Variants in GNB4 observed in about 807,000 individuals in gnomAD.
GNB4 encodes guanine nucleotide-binding protein subunit beta-4.
Under a neutral mutation model 45.2 loss-of-function variants are expected in GNB4, and 28 were observed. The ratio of observed to expected loss-of-function variants is 0.62; its 90% CI spans 0.46 to 0.85. The LOEUF (loss-of-function observed/expected upper bound fraction) is 0.85, where lower values mean the gene tolerates loss of function less well. GNB4 is among the 40% of genes least tolerant of loss of function. GNB4 has a pLI of 0.00. For synonymous variants in GNB4, 132 were observed against 143.7 expected (o/e 0.92, Z 0.58); for missense variants, 321 against 425.4 (o/e 0.75, Z 2.16).
Position 179,398,185 on chromosome 3 carries a change from C to G in GNB4, c.*3028G>C, listed in dbSNP as rs1418724492. On this transcript the variant is annotated 3_prime_UTR_variant, in exon 10 of 10. Coordinates refer to ENST00000232564, the MANE Select transcript of GNB4 (RefSeq NM_021629.4). ...TACAGAGTCAACAAATTAACCTTCT[C>G]AGGCACATTATGTTTAAATGTTTCT... is the stretch of plus-strand genomic sequence containing the variant. 6.6e-6 allele frequency: 1 copy of G among 152,112 alleles called. No individual in the cohort carries two copies. Among genetic ancestry groups the G allele is most frequent in the East Asian group, 1.9e-4 (1 of 5,184 alleles). The allele number at this position is 152,112 out of a possible 1,614,324, so 9.4% of individuals were successfully genotyped here. A position where few individuals can be genotyped will look rare whatever the true frequency, so the allele number is the denominator to read the frequency against.
intron 1 of GNB4, among the ~76,000 whole-genome samples, chr3:179,435,227 A>C (rs1485993839): frequency 6.6e-5 from 10 of 152,132 alleles, no homozygotes; most frequent in African/African-American, 2.4e-4. Context: ...GCTCAATCTA[A>C]TGATCCTCCC....
intron 1 of GNB4, among the ~76,000 whole-genome samples, chr3:179,435,470 C>CAA (rs11389978): frequency 0.45 from 43,035 of 95,718 alleles, 8,218 homozygotes; most frequent in Non-Finnish European, 0.5. Context: ...CTTTCTTTTA[C>CAA]AAAAAAAAAA....
At chr3:179,407,312 A>T (rs1051374950) in intron 8 of GNB4, among the ~76,000 whole-genome samples, 21 of 152,120 alleles carry the variant, frequency 1.4e-4, no homozygotes, top group African/African-American at 4.8e-4. Flanking sequence ...TACAAAAATT[A>T]GCACAGCGTG....
intron 1 of GNB4, among the ~76,000 whole-genome samples, chr3:179,449,169 T>C (rs936936277): frequency 1.3e-5 from 2 of 152,214 alleles, no homozygotes; most frequent in African/African-American, 4.8e-5. Context: ...GTTTGTAACC[T>C]TCCAAATTAG....
At chr3:179,526,312 G>C in the GNB4 span, among the ~76,000 whole-genome samples, 1 of 152,254 alleles carries the variant, frequency 6.6e-6, no homozygotes, top group Admixed American at 6.5e-5. Context: ...AGGTCACAGG[G>C]GATATGATGG....
chr3:179,463,580 T>C, the GNB4 span, among the ~76,000 whole-genome samples: 1 of 152,190 alleles, frequency 6.6e-6, no homozygotes, highest in Non-Finnish European at 1.5e-5. Context: ...AGTTAAAAGA[T>C]CTTGCCCAAG....
upstream of GNB4, among the ~76,000 whole-genome samples, chr3:179,453,410 C>G (rs1382647819): frequency 6.6e-6 from 1 of 152,236 alleles, no homozygotes; most frequent in Non-Finnish European, 1.5e-5. Flanking sequence ...GCGTGAGCCA[C>G]CGATCCCGGC....
the GNB4 span, among the ~76,000 whole-genome samples, chr3:179,510,345 C>T: frequency 6.6e-6 from 1 of 152,128 alleles, no homozygotes; most frequent in African/African-American, 2.4e-5. Flanking sequence ...GAGCCACTGC[C>T]CTCATTCAGT....
the GNB4 span, among the ~76,000 whole-genome samples, chr3:179,493,401 G>A: frequency 3.1e-3 from 470 of 151,552 alleles, 2 homozygotes; most frequent in African/African-American, 0.011. Flanking sequence ...AACCAAACAG[G>A]AATCCTAGAA....
In GNB4 at chr3:179,400,635, A is replaced by ATGGC. The variant is rs1240684575; in HGVS notation, c.*574_*577dup. ...AAGCAAGCACTTTGATTAATAGTAT[A>ATGGC]TGGCAAATGATGCATGAGAAACAAT... On this transcript the variant is annotated 3_prime_UTR_variant, in exon 10 of 10. Coordinates refer to ENST00000232564, the MANE Select transcript of GNB4 (RefSeq NM_021629.4). 5 of 152,248 alleles carry ATGGC rather than the reference A, an allele frequency of 3.3e-5. No individual in the cohort carries two copies. Among genetic ancestry groups the ATGGC allele is most frequent in the Admixed American group, 3.3e-4 (5 of 15,288 alleles). 9.4% of individuals were successfully genotyped at this position (152,248 alleles called of 1,614,324 possible). A position where few individuals can be genotyped will look rare whatever the true frequency, so the allele number is the denominator to read the frequency against.
In GNB4 at chr3:179,400,942, ATACACTCTGAG is replaced by A. The variant is rs1008288040; in HGVS notation, c.*260_*270del. The A allele has an allele frequency of 3.3e-6, 1 of 306,642 alleles. No homozygotes were observed. 19.0% of individuals were successfully genotyped at this position (306,642 alleles called of 1,614,324 possible). On this transcript the variant is annotated 3_prime_UTR_variant, in exon 10 of 10. Coordinates refer to ENST00000232564, the MANE Select transcript of GNB4 (RefSeq NM_021629.4). ...GTACATTCTGTTCTACACAAAGAAA[ATACACTCTGAG>A]TACACACAACAATTCACCAAGGTTA...
intron 1 of GNB4, among the ~76,000 whole-genome samples, chr3:179,433,529 C>T (rs1421349020): frequency 6.6e-6 from 1 of 151,266 alleles, no homozygotes; most frequent in Non-Finnish European, 1.5e-5. Flanking sequence ...CGCTTAAGCA[C>T]AGGAATTTGA....
chr3:179,494,187 T>G, the GNB4 span, among the ~76,000 whole-genome samples: 1 of 152,154 alleles, frequency 6.6e-6, no homozygotes, highest in Admixed American at 6.5e-5. Context: ...TGTGTTCCCT[T>G]GTGGCCAAGT....
the GNB4 span, chr3:179,464,714 T>C: frequency 1.9e-6 from 2 of 1,056,676 alleles, no homozygotes; most frequent in Middle Eastern, 4.0e-4. Flanking sequence ...TGAATAATTA[T>C]GATAATGTAG....
At chr3:179,481,102 C>T in the GNB4 span, among the ~76,000 whole-genome samples, 1 of 152,102 alleles carries the variant, frequency 6.6e-6, no homozygotes, top group Non-Finnish European at 1.5e-5. Flanking sequence ...CCGCCCGCCT[C>T]GGCCTCCCAA....
At chr3:179,492,527 C>G in the GNB4 span, among the ~76,000 whole-genome samples, 1 of 152,138 alleles carries the variant, frequency 6.6e-6, no homozygotes, top group Non-Finnish European at 1.5e-5. Context: ...CACTGTGTCA[C>G]ATACCCTGGA....
chr3:179,418,484 A>G (rs1281994356), intron 4 of GNB4, among the ~76,000 whole-genome samples: 1 of 142,954 alleles, frequency 7.0e-6, no homozygotes, highest in Non-Finnish European at 1.6e-5. Flanking sequence ...AAAAAAAAAA[A>G]AAAAGAAAAA....
the GNB4 span, among the ~76,000 whole-genome samples, chr3:179,485,241 T>C: frequency 6.6e-6 from 1 of 152,090 alleles, no homozygotes; most frequent in African/African-American, 2.4e-5. Context: ...CTCCATCTCC[T>C]GACCTCGTGA....
the GNB4 span, among the ~76,000 whole-genome samples, chr3:179,525,635 G>C: frequency 6.6e-6 from 1 of 152,176 alleles, no homozygotes; most frequent in Non-Finnish European, 1.5e-5. Context: ...CGTCCCCGCA[G>C]GGATTAAACA....
Sources: gnomAD v4.1 joint callset for allele counts (sites outside exome capture counted in the v4.1 genomes callset) on GRCh38, gnomAD v4.1.1 for gene constraint, MANE v1.5 for transcripts, NCBI Gene and HGNC (gene_info 2026-07-23, HGNC 2026-07-21) for gene names.